SRRM4: variants seen among roughly 807,000 people sequenced by gnomAD.
The protein encoded by SRRM4 is serine/arginine repetitive matrix protein 4.
Under a neutral mutation model 68.9 loss-of-function variants are expected in SRRM4, and 33 were observed. The observed-to-expected ratio is 0.48, with a 90% CI of 0.36 to 0.64. The LOEUF (loss-of-function observed/expected upper bound fraction) is 0.64, where lower values mean the gene tolerates loss of function less well. SRRM4 is among the 30% of genes least tolerant of loss of function. The probability of loss-of-function intolerance (pLI) is 0.00; values close to 1 mark genes in which losing one functional copy is unlikely to be tolerated. For synonymous variants in SRRM4, 318 were observed against 318.8 expected (o/e 1.00, Z 0.03); for missense variants, 817 against 827.1 (o/e 0.99, Z 0.15).
At chr12:119,016,456 AAAAAAAAAAAAAG>A (rs1444279834) in intron 1 of SRRM4, among the ~76,000 whole-genome samples, 3 of 143,044 alleles carry the variant, frequency 2.1e-5, no homozygotes, top group African/African-American at 5.5e-5. Context: ...GATGTAATTA[AAAAAAAAAAAAAG>A]AAAAAGAAAA....
intron 1 of SRRM4, among the ~76,000 whole-genome samples, chr12:119,011,713 A>G (rs2135997602): frequency 6.6e-6 from 1 of 152,314 alleles, no homozygotes; most frequent in Non-Finnish European, 1.5e-5. Flanking sequence ...CAGTGAAAGG[A>G]GGAGCATGTG....
rs368516977 is a variant in SRRM4, at chr12:119,130,682, C to T, written c.619C>T (p.Arg207Cys). 28 of 1,609,634 alleles carry T rather than the reference C, an allele frequency of 1.7e-5. No homozygotes were observed. The highest frequency in any genetic ancestry group is 1.0e-4 in the Admixed American group (6 of 59,756). ...SRPSSCESRH[R>C]GRSPEEGQKS... ...GTCTCTCTCCCCCATCCCCAGGCAC[C>T]GCGGCCGGTCCCCTGAGGAAGGGCA... Residue 207 changes from arginine to cysteine, a missense_variant, in exon 8 of 13, where the codon CGC becomes TGC. Coordinates refer to ENST00000267260, the MANE Select transcript of SRRM4 (RefSeq NM_194286.4).
rs376043694 is a variant in SRRM4, at chr12:119,153,549, C to T, written c.1291C>T (p.Arg431Cys). ...TTACCTCTCCCCCAGGTCCTACTCC[C>T]GCTCTCCCAGCTATTCCTCCAAGTC... ...STSSEKRSYS[R>C]SPSYSSKSGK... The change falls in exon 11 of 13, where the codon CGC becomes TGC. Residue 431 changes from arginine to cysteine, a missense_variant. Arg to Cys is a radical substitution (Grantham distance 180). Transcript: ENST00000267260. The T allele has an allele frequency of 1.9e-6, 3 of 1,569,080 alleles. No homozygotes were observed. The highest frequency in any genetic ancestry group is 1.4e-5 in the African/African-American group (1 of 73,410).
At chr12:119,120,442 G>C (rs1189197600) in intron 5 of SRRM4, among the ~76,000 whole-genome samples, 166 bp downstream of exon 5, 1 of 152,052 alleles carries the variant, frequency 6.6e-6, no homozygotes, top group East Asian at 1.9e-4. Context: ...TGTTTTTTCT[G>C]AGTATTCCAA....
At chr12:118,987,162 C>A (rs998186747) in intron 1 of SRRM4, among the ~76,000 whole-genome samples, 2 of 152,162 alleles carry the variant, frequency 1.3e-5, no homozygotes, top group Non-Finnish European at 2.9e-5. Context: ...CACTTCACCT[C>A]TTTGTGCCTC....
intron 1 of SRRM4, among the ~76,000 whole-genome samples, chr12:119,013,376 A>G (rs373715914): frequency 3.3e-5 from 5 of 152,338 alleles, no homozygotes; most frequent in South Asian, 4.1e-4. Context: ...TTTTAAGTTC[A>G]GTACTGAATG....
At chr12:118,997,680 C>T (rs887801277) in intron 1 of SRRM4, among the ~76,000 whole-genome samples, 1 of 152,118 alleles carries the variant, frequency 6.6e-6, no homozygotes, top group African/African-American at 2.4e-5. Context: ...GAACCCATGG[C>T]CTGCTTAAAT....
At chr12:119,087,773 A>G (rs1953988459) in intron 1 of SRRM4, among the ~76,000 whole-genome samples, 1 of 152,140 alleles carries the variant, frequency 6.6e-6, no homozygotes, top group South Asian at 2.1e-4. Context: ...AACTGTGTAG[A>G]CACAGGTCTG....
In SRRM4 at chr12:119,156,643, C is replaced by G; in HGVS notation, c.1681C>G (p.Arg561Gly). Reference protein sequence around the residue: ...RSRSRSRSRRRSRTRTSSSSS... With the variant: ...RSRSRSRSRRGSRTRTSSSSS... ...CCGGAGTCGGAGCCGGAGCCGGAGACGGAGCCGGACCCGCACGAGCAGCAG... is the reference window on the plus strand; with the variant it reads ...CCGGAGTCGGAGCCGGAGCCGGAGAGGGAGCCGGACCCGCACGAGCAGCAG... Residue 561 changes from arginine (R) to glycine (G), a missense_variant, in exon 13 of 13, where the codon CGG (arginine) becomes GGG (glycine). Arg to Gly is a moderately radical substitution (Grantham distance 125). Coordinates refer to ENST00000267260, the MANE Select transcript of SRRM4 (RefSeq NM_194286.4). 6.3e-7 allele frequency: 1 copy of G among 1,590,846 alleles called. No individual in the cohort carries two copies.
chr12:119,140,495 T>A (rs1017456088), intron 8 of SRRM4, among the ~76,000 whole-genome samples: 12 of 152,196 alleles, frequency 7.9e-5, no homozygotes, highest in African/African-American at 2.7e-4. Flanking sequence ...TACTTTATAC[T>A]CCACTTCCCA....
chr12:119,070,055 T>A (rs1049730182), intron 1 of SRRM4, among the ~76,000 whole-genome samples: 1 of 152,126 alleles, frequency 6.6e-6, no homozygotes, highest in African/African-American at 2.4e-5. Flanking sequence ...GGGAGAGGAA[T>A]GCAGGTCCCT....
intron 3 of SRRM4, 46 bp downstream of exon 3, chr12:119,114,410 G>T: frequency 2.7e-6 from 4 of 1,496,764 alleles, no homozygotes; most frequent in Non-Finnish European, 3.7e-6. Context: ...TGCAGGCAGG[G>T]ACAAAATATG....
intron 8 of SRRM4, among the ~76,000 whole-genome samples, chr12:119,138,725 C>G (rs1439294781): frequency 6.6e-6 from 1 of 152,186 alleles, no homozygotes; most frequent in African/African-American, 2.4e-5. Flanking sequence ...TCCTTGCCCT[C>G]TCAAATTATT....
At chr12:119,055,733 G>A (rs956793447) in intron 1 of SRRM4, among the ~76,000 whole-genome samples, 1 of 152,226 alleles carries the variant, frequency 6.6e-6, no homozygotes, top group Admixed American at 6.5e-5. Context: ...TCCTGATTCT[G>A]CCTCGAACAG....
chr12:119,041,080 C>G (rs1363627526), intron 1 of SRRM4, among the ~76,000 whole-genome samples: 1 of 152,054 alleles, frequency 6.6e-6, no homozygotes, highest in Non-Finnish European at 1.5e-5. Flanking sequence ...CTCGTTATAT[C>G]CAGGCATCAT....
chr12:119,121,301 C>T (rs1202688800), intron 5 of SRRM4, among the ~76,000 whole-genome samples: 4 of 152,164 alleles, frequency 2.6e-5, no homozygotes, highest in African/African-American at 9.7e-5. Flanking sequence ...GTAATAGGTT[C>T]TTGGTGACCC....
intron 1 of SRRM4, among the ~76,000 whole-genome samples, chr12:118,990,405 G>T (rs1324001246): frequency 1.3e-5 from 2 of 152,128 alleles, no homozygotes; most frequent in Admixed American, 1.3e-4. Context: ...ACTGTTTCAG[G>T]GTTCGGCATT....
rs769309951 is a variant in SRRM4, at chr12:119,125,450, G to A, written c.585G>A (p.Ser195=). Residue 195 remains serine, a synonymous_variant, in exon 7 of 13, where the codon TCG becomes TCA. Coordinates refer to ENST00000267260, the MANE Select transcript of SRRM4 (RefSeq NM_194286.4). ...GCTGCCCCTCGCGGTCCCAGAGCTC[G>A]GAGTCCCGCCCCTCAAGCTGTGAGA... The part of the protein sequence containing the change: ...HHRCPSRSQS[S]ESRPSSCESR... The A allele has an allele frequency of 1.1e-5, 18 of 1,612,266 alleles. No individual in the cohort carries two copies. Among genetic ancestry groups the A allele is most frequent in the African/African-American group, 4.0e-5 (3 of 74,598 alleles).
chr12:119,152,746 T>C (rs1954447528), intron 10 of SRRM4, among the ~76,000 whole-genome samples: 1 of 152,170 alleles, frequency 6.6e-6, no homozygotes, highest in Non-Finnish European at 1.5e-5. Context: ...CCAGTGACCA[T>C]AGCTGGACAC....
Sources: gnomAD v4.1 joint callset for allele counts (sites outside exome capture counted in the v4.1 genomes callset) on GRCh38, gnomAD v4.1.1 for gene constraint, MANE v1.5 for transcripts, NCBI Gene and HGNC (gene_info 2026-07-23, HGNC 2026-07-21) for gene names.